IFITM10: variants seen among roughly 807,000 people sequenced by gnomAD.
IFITM10 encodes interferon induced transmembrane protein 10, also known as interferon-induced transmembrane protein 10.
A neutral mutation model predicts 19.0 loss-of-function variants in IFITM10; 17 were observed. That is an observed-to-expected ratio of 0.90 (90% confidence interval 0.61 to 1.34). The LOEUF (loss-of-function observed/expected upper bound fraction) is 1.34, where lower values mean the gene tolerates loss of function less well. Ranked by LOEUF, IFITM10 falls within the 40% of genes most tolerant of loss-of-function variation. The pLI is 0.00. For synonymous variants in IFITM10, 148 were observed against 147.2 expected (o/e 1.01, Z -0.04); for missense variants, 306 against 319.8 (o/e 0.96, Z 0.33).
At chr11:1,749,633 G>A (rs769110872) in intron 1 of IFITM10, among the ~76,000 whole-genome samples, 49 of 151,974 alleles carry the variant, frequency 3.2e-4, no homozygotes, top group Non-Finnish European at 5.6e-4. Context: ...AGTTCCAGCA[G>A]CTCAGTCCCC....
chr11:1,737,039 G>A (rs1851094719), intron 2 of IFITM10, among the ~76,000 whole-genome samples: 1 of 152,138 alleles, frequency 6.6e-6, no homozygotes, highest in Non-Finnish European at 1.5e-5. Flanking sequence ...GCTCTTATCG[G>A]GTTCTTATGC....
At chr11:1,735,808 G>A (rs754607308) in intron 2 of IFITM10, among the ~76,000 whole-genome samples, 1 of 152,184 alleles carries the variant, frequency 6.6e-6, no homozygotes, top group Non-Finnish European at 1.5e-5. Context: ...TAAAATAAAA[G>A]AAGTTGGCCT....
rs1038122989 is a variant in IFITM10, at chr11:1,740,341, A to G, written c.538-4912T>C. Among the ~76,000 whole-genome samples, 12 of 150,756 alleles carry G rather than the reference A, an allele frequency of 8.0e-5. No homozygotes were observed. In the South Asian group the frequency reaches 1.1e-3, roughly 13 times the overall value. ...AAAAAAAAAGAACAGATAGTTGAAC[A>G]GGCAGAGAGAGGTGGATTGAATGGT... On this transcript the variant is annotated intron_variant, in intron 2 of 2. Coordinates refer to ENST00000340134, the MANE Select transcript of IFITM10 (RefSeq NM_001170820.4).
intron 2 of IFITM10, among the ~76,000 whole-genome samples, chr11:1,736,558 T>C (rs1443226221): frequency 6.6e-6 from 1 of 151,756 alleles, no homozygotes; most frequent in Non-Finnish European, 1.5e-5. Context: ...GTGGAGCAAA[T>C]GCAGTGAAGT....
chr11:1,748,186 C>A, intron 1 of IFITM10, 67 bp from the exon 2 acceptor site: 1 of 1,171,412 alleles, frequency 8.5e-7, no homozygotes. Context: ...TCACGCCCAG[C>A]AGCTCCGAGA....
chr11:1,741,954 G>C (rs1380562213), intron 2 of IFITM10, among the ~76,000 whole-genome samples: 1 of 152,210 alleles, frequency 6.6e-6, no homozygotes, highest in African/African-American at 2.4e-5. Flanking sequence ...ACCCAGAAGA[G>C]GGTCCTGATC....
In IFITM10 at chr11:1,746,889, C is replaced by T. The variant is rs1331267202; in HGVS notation, c.537+778G>A. The T allele has an allele frequency of 1.3e-5, 5 of 397,904 alleles. No homozygotes were observed. In the South Asian group the frequency reaches 4.1e-4, roughly 33 times the overall value. 24.6% of individuals were successfully genotyped at this position (397,904 alleles called of 1,614,324 possible). A position where few individuals can be genotyped will look rare whatever the true frequency, so the allele number is the denominator to read the frequency against. The stretch of plus-strand genomic sequence containing the variant: ...GGAGGAGGGCACCGGGGCCTGCCCT[C>T]GCCCTCACGCTCCCTTCCCCAGGAA... On this transcript the variant is annotated intron_variant, in intron 2 of 2. Coordinates refer to ENST00000340134, the MANE Select transcript of IFITM10 (RefSeq NM_001170820.4).
intron 2 of IFITM10, among the ~76,000 whole-genome samples, chr11:1,740,001 T>A (rs1851128632): frequency 1.3e-5 from 2 of 152,038 alleles, no homozygotes; most frequent in Non-Finnish European, 2.9e-5. Context: ...CTGGCCGCTG[T>A]GTAAGAACAG....
intron 2 of IFITM10, among the ~76,000 whole-genome samples, chr11:1,742,788 A>T (rs148219161): frequency 1.8e-4 from 28 of 152,264 alleles, no homozygotes; most frequent in Admixed American, 3.3e-4. Context: ...ACACAGGTGG[A>T]TGGAAGGTTG....
At position 1,747,936 on chromosome 11, in the gene IFITM10, C is replaced by T; in HGVS notation, c.268G>A (p.Ala90Thr). 1 of 1,476,848 alleles carries T rather than the reference C, an allele frequency of 6.8e-7. No individual in the cohort carries two copies. The highest frequency in any genetic ancestry group is 1.4e-5 in the South Asian group (1 of 72,814). 91.5% of individuals were successfully genotyped at this position (1,476,848 alleles called of 1,614,324 possible). Residue 90 changes from alanine to threonine, a missense_variant, in exon 2 of 3, where the codon GCC becomes ACC. Physicochemically the swap from Ala to Thr is moderately conservative, Grantham distance 58 (BLOSUM62 0). Transcript: ENST00000340134. The part of the protein sequence containing the change: ...PPALQAPAAP[A>T]PEPSASPPMA... ...GGGGGAGAGGCCGAGGGCTCAGGGG[C>T]AGGGGCCGCCGGAGCCTGCAGGGCA... is the stretch of plus-strand genomic sequence containing the variant.
chr11:1,748,127 G>A lies in IFITM10; in HGVS notation c.85-8C>T. The A allele has an allele frequency of 7.4e-7, 1 of 1,357,322 alleles. No homozygotes were observed. Among genetic ancestry groups the A allele is most frequent in the Non-Finnish European group, 9.4e-7 (1 of 1,062,502 alleles). The allele number at this position is 1,357,322 out of a possible 1,614,324, so 84.1% of individuals were successfully genotyped here. A position where few individuals can be genotyped will look rare whatever the true frequency, so the allele number is the denominator to read the frequency against. ...CTGGCCGGGGCCCTGGGCCTGGAGA[G>A]GAGAAAGTGAGAGCAAGCTGGGCCC... On this transcript the variant is annotated splice_region_variant and splice_polypyrimidine_tract_variant and intron_variant, in intron 1 of 2. Coordinates refer to ENST00000340134, the MANE Select transcript of IFITM10 (RefSeq NM_001170820.4).
Position 1,747,923 on chromosome 11 carries a change from GA to G in IFITM10, c.280del (p.Ser94ArgfsTer35). ...QAPAAPAPEP[S>X]ASPPMAPTLF... ...TGTGGGCGCCATCGGGGGAGAGGCC[GA>G]GGGCTCAGGGGCAGGGGCCGCCGGA... On this transcript the variant is annotated frameshift_variant, in exon 2 of 3. Coordinates refer to ENST00000340134, the MANE Select transcript of IFITM10 (RefSeq NM_001170820.4). LOFTEE classifies it high-confidence loss of function. 1 of 1,489,396 alleles carries G rather than the reference GA, an allele frequency of 6.7e-7. No individual in the cohort carries two copies. The highest frequency in any genetic ancestry group is 9.0e-7 in the Non-Finnish European group (1 of 1,115,468). The allele number at this position is 1,489,396 out of a possible 1,614,324, so 92.3% of individuals were successfully genotyped here. A position where few individuals can be genotyped will look rare whatever the true frequency, so the allele number is the denominator to read the frequency against.
chr11:1,750,283 C>G, intron 1 of IFITM10, 76 bp downstream of exon 1: 1 of 1,549,616 alleles, frequency 6.5e-7, no homozygotes, highest in East Asian at 2.4e-5. Context: ...ATGGAGAAAA[C>G]TCCAGCCTTC....
intron 1 of IFITM10, chr11:1,749,131 A>AG: frequency 9.7e-7 from 1 of 1,032,536 alleles, no homozygotes; most frequent in Non-Finnish European, 1.2e-6. Flanking sequence ...CCCAACCTTG[A>AG]GGGGGTGGGG....
At chr11:1,748,994 C>G (rs111693235) in intron 1 of IFITM10, 339,528 of 1,025,232 alleles carry the variant, frequency 0.33, 59,722 homozygotes, top group African/African-American at 0.6. Context: ...TGCCGCAGCC[C>G]CCCGGACGGC....
In IFITM10 at chr11:1,750,226, G is replaced by A. The variant is rs192346235; in HGVS notation, c.84+133C>T. 6.7e-5 allele frequency: 99 copies of A among 1,481,186 alleles called. 1 individual carries two copies. In the East Asian group the frequency reaches 1.6e-3, roughly 24 times the overall value. 91.8% of individuals were successfully genotyped at this position (1,481,186 alleles called of 1,614,324 possible). ...TCCTCACTCTCACGGTATGCTTGAC[G>A]CCAGCTGATCTTCCATCCCCATAAC... On this transcript the variant is annotated intron_variant, in intron 1 of 2. Transcript: ENST00000340134.
At chr11:1,736,427 AT>A (rs536216601) in intron 2 of IFITM10, among the ~76,000 whole-genome samples, 309 of 152,190 alleles carry the variant, frequency 2.0e-3, no homozygotes, top group Admixed American at 3.1e-3. Context: ...CTGTGGGTGG[AT>A]GGATGGAGGA....
In IFITM10 at chr11:1,735,350, C is replaced by A; in HGVS notation, c.617G>T (p.Ser206Ile). 6 of 1,551,706 alleles carry A rather than the reference C, an allele frequency of 3.9e-6. No homozygotes were observed. The highest frequency in any genetic ancestry group is 5.2e-6 in the Non-Finnish European group (6 of 1,146,982). Residue 206 changes from serine (S) to isoleucine (I), a missense_variant, in exon 3 of 3, where the codon AGT (serine) becomes ATT (isoleucine). Physicochemically the swap from Ser to Ile is moderately radical, Grantham distance 142. Transcript: ENST00000340134. ...GATGCAGGAGGCTGCCAGGGCAGAA[C>A]TGGTGATGTTGAACAGCCGGGCCGT... ...AKTARLFNIT[S>I]SALAASCIIL...
At chr11:1,749,943 T>A (rs988158046) in intron 1 of IFITM10, among the ~76,000 whole-genome samples, 14 of 152,088 alleles carry the variant, frequency 9.2e-5, no homozygotes, top group Non-Finnish European at 1.3e-4. Flanking sequence ...TGGCCTCTCC[T>A]GCGCAGACCC....
Sources: allele counts gnomAD v4.1 joint callset (sites outside exome capture counted in the v4.1 genomes callset), GRCh38; gene constraint gnomAD v4.1.1; transcripts MANE v1.5; gene names NCBI Gene and HGNC (gene_info 2026-07-23, HGNC 2026-07-21).